DIP2C: variants seen among roughly 807,000 people sequenced by gnomAD.
The protein encoded by DIP2C is disco-interacting protein 2 homolog C.
A neutral mutation model predicts 192.4 loss-of-function variants in DIP2C; 33 were observed. The observed-to-expected ratio is 0.17, with a 90% CI of 0.13 to 0.23. The LOEUF (loss-of-function observed/expected upper bound fraction) is 0.23, where lower values mean the gene tolerates loss of function less well. DIP2C is among the 10% of genes least tolerant of loss of function. The probability of loss-of-function intolerance (pLI) is 1.00; values close to 1 mark genes in which losing one functional copy is unlikely to be tolerated. For synonymous variants in DIP2C, 979 were observed against 864.1 expected (o/e 1.13, Z -2.33); for missense variants, 1,537 against 2,110.1 (o/e 0.73, Z 5.32).
At chr10:467,484 A>T (rs1258996319) in intron 3 of DIP2C, among the ~76,000 whole-genome samples, 1 of 149,918 alleles carries the variant, frequency 6.7e-6, no homozygotes, top group Non-Finnish European at 1.5e-5. Context: ...ATACATATGT[A>T]ACTAACCTGC....
intron 3 of DIP2C, among the ~76,000 whole-genome samples, chr10:446,594 G>A (rs1213268446): frequency 2.0e-5 from 3 of 152,108 alleles, no homozygotes; most frequent in African/African-American, 7.2e-5. Flanking sequence ...CATTGACGAG[G>A]GCCCCAGTGA....
At chr10:642,460 G>T (rs1043881209) in intron 1 of DIP2C, among the ~76,000 whole-genome samples, 1 of 152,260 alleles carries the variant, frequency 6.6e-6, no homozygotes, top group African/African-American at 2.4e-5. Context: ...CAGAGCAAGT[G>T]TCCAGGCACC....
intron 1 of DIP2C, among the ~76,000 whole-genome samples, chr10:555,620 C>T (rs1848810322): frequency 1.3e-5 from 2 of 152,180 alleles, no homozygotes; most frequent in Admixed American, 6.5e-5. Flanking sequence ...CCGTGTCTCT[C>T]AGGGTATCTG....
In DIP2C at chr10:649,865, T is replaced by C. The variant is rs1165179698; in HGVS notation, c.85+39629A>G. On this transcript the variant is annotated intron_variant, in intron 1 of 36. Transcript: ENST00000280886. ...TTTGCAGTAAGAGAAGCATGCCTTA[T>C]TATCAAACAGGTGCATGGTCCCCTT... 10 of 533,666 alleles carry C rather than the reference T, an allele frequency of 1.9e-5. 1 individual carries two copies. Among genetic ancestry groups the C allele is most frequent in the Non-Finnish European group, 2.6e-5 (8 of 302,664 alleles). The allele number at this position is 533,666 out of a possible 1,614,324, so 33.1% of individuals were successfully genotyped here.
intron 22 of DIP2C, among the ~76,000 whole-genome samples, chr10:358,551 C>T (rs1589598943): frequency 9.5e-6 from 1 of 105,318 alleles, no homozygotes; most frequent in South Asian, 4.7e-4. Flanking sequence ...CATCGCTTAT[C>T]CATGAGCGAT....
At chr10:633,283 C>A (rs1284821372) in intron 1 of DIP2C, among the ~76,000 whole-genome samples, 1 of 152,264 alleles carries the variant, frequency 6.6e-6, no homozygotes, top group African/African-American at 2.4e-5. Context: ...CCCGGGGCCG[C>A]CTGTGTACCC....
At chr10:673,994 T>G (rs1427134843) in intron 1 of DIP2C, among the ~76,000 whole-genome samples, 1 of 152,210 alleles carries the variant, frequency 6.6e-6, no homozygotes, top group Non-Finnish European at 1.5e-5. Flanking sequence ...CTCACTTGTA[T>G]GGAAATCAAA....
rs559111192 is a variant in DIP2C at position 375,056 on chromosome 10, C to T, written c.1992-5423G>A. 3.3e-5 allele frequency among the ~76,000 whole-genome samples: 5 copies of T among 152,298 alleles called. No homozygotes were observed. In the East Asian group the frequency reaches 7.7e-4, roughly 24 times the overall value. ...TTGGAGATATGGAAGGAGCAAAATA[C>T]GTACCTGTGTATACAATACCACGAT... is the stretch of plus-strand genomic sequence containing the variant. On this transcript the variant is annotated intron_variant, in intron 17 of 36. Coordinates refer to ENST00000280886, the MANE Select transcript of DIP2C (RefSeq NM_014974.3).
chr10:459,449 C>G (rs1320261405), intron 3 of DIP2C, among the ~76,000 whole-genome samples: 2 of 152,218 alleles, frequency 1.3e-5, no homozygotes, highest in Non-Finnish European at 2.9e-5. Context: ...GAGGGCAGCC[C>G]AAGCCATGCA....
rs1369299301 is a variant in DIP2C at position 561,627 on chromosome 10, TC to T, written c.86-75098del. On this transcript the variant is annotated intron_variant, in intron 1 of 36. Coordinates refer to ENST00000280886, the MANE Select transcript of DIP2C (RefSeq NM_014974.3). ...GTAACGCACTGTCTCCAAGGCCCTTTCCCGCCAGTCACAGCTTCCTTCAAGT... is the reference window on the plus strand; with the variant it reads ...GTAACGCACTGTCTCCAAGGCCCTTTCCGCCAGTCACAGCTTCCTTCAAGT... Among the ~76,000 whole-genome samples the T allele has an allele frequency of 2.6e-5, 4 of 152,178 alleles. No individual in the cohort carries two copies. In the East Asian group the frequency reaches 7.7e-4, roughly 29 times the overall value.
chr10:557,749 GTGGGAA>G (rs1848968287), intron 1 of DIP2C, among the ~76,000 whole-genome samples: 1 of 48,370 alleles, frequency 2.1e-5, no homozygotes, highest in Non-Finnish European at 3.7e-5. Context: ...GAGAGGATGG[GTGGGAA>G]GGGGGAGGGG....
chr10:515,854 TC>T (rs1488232029), intron 1 of DIP2C, among the ~76,000 whole-genome samples: 1 of 152,168 alleles, frequency 6.6e-6, no homozygotes, highest in Non-Finnish European at 1.5e-5. Flanking sequence ...TATTCTCGTC[TC>T]TAAACACTAT....
chr10:614,415 C>T (rs1220768109), intron 1 of DIP2C, among the ~76,000 whole-genome samples: 1 of 152,260 alleles, frequency 6.6e-6, no homozygotes, highest in Non-Finnish European at 1.5e-5. Context: ...AGTGCCGGCT[C>T]TGTGGTGGGA....
Position 443,816 on chromosome 10 carries a change from A to G in DIP2C, c.269-2820T>C, listed in dbSNP as rs569775468. 2.0e-5 allele frequency among the ~76,000 whole-genome samples: 3 copies of G among 152,358 alleles called. No individual in the cohort carries two copies. In the East Asian group the frequency reaches 5.8e-4, roughly 29 times the overall value. On this transcript the variant is annotated intron_variant, in intron 3 of 36. Coordinates refer to ENST00000280886, the MANE Select transcript of DIP2C (RefSeq NM_014974.3). ...AGAAATGCTTTCAGAATTGCTATCT[A>G]GTACCACTGTGAAAAATCTATCAAA...
rs114575297 is a variant in DIP2C, at chr10:574,821, A to C, written c.86-88291T>G. 5.4e-3 allele frequency among the ~76,000 whole-genome samples: 816 copies of C among 152,358 alleles called. 5 individuals are homozygous for C. Among genetic ancestry groups the C allele is most frequent in the African/African-American group, 0.018 (760 of 41,574 alleles). On this transcript the variant is annotated intron_variant, in intron 1 of 36. Coordinates refer to ENST00000280886, the MANE Select transcript of DIP2C (RefSeq NM_014974.3). ...TCTTGTGCAGGACCAGAAGCATCGC[A>C]ACGCGGTTTCCTGTTCTGGTGTTCA...
chr10:486,597 C>T (rs1433370933), intron 1 of DIP2C, 67 bp from the exon 2 acceptor site: 2 of 1,339,682 alleles, frequency 1.5e-6, no homozygotes, highest in Non-Finnish European at 2.0e-6. Context: ...TCAACGGTGC[C>T]CAAGAAGACA....
intron 17 of DIP2C, among the ~76,000 whole-genome samples, chr10:374,398 T>C (rs1454669461): frequency 1.3e-5 from 2 of 152,194 alleles, no homozygotes; most frequent in Non-Finnish European, 2.9e-5. Context: ...TCACACTGGC[T>C]GTATTGTGTT....
intron 31 of DIP2C, among the ~76,000 whole-genome samples, chr10:325,907 T>G (rs1051168847): frequency 1.3e-4 from 19 of 151,876 alleles, no homozygotes; most frequent in African/African-American, 4.6e-4. Flanking sequence ...AAAGGCCGGG[T>G]GCAGTGGCTC....
intron 1 of DIP2C, among the ~76,000 whole-genome samples, chr10:599,806 CTG>C (rs370971463): frequency 3.2e-4 from 49 of 152,294 alleles, no homozygotes; most frequent in African/African-American, 1.1e-3. Flanking sequence ...AGGGGACGAG[CTG>C]TGTTTTAAGC....
Sources: gnomAD v4.1 joint callset for allele counts (sites outside exome capture counted in the v4.1 genomes callset) on GRCh38, gnomAD v4.1.1 for gene constraint, MANE v1.5 for transcripts, NCBI Gene and HGNC (gene_info 2026-07-23, HGNC 2026-07-21) for gene names.